Variants in GFRAL observed in about 807,000 individuals in gnomAD.
GFRAL encodes GDNF family receptor alpha like.
Under a neutral mutation model 45.4 loss-of-function variants are expected in GFRAL, and 36 were observed. The observed-to-expected ratio is 0.79, with a 90% CI of 0.61 to 1.05. The LOEUF is 1.05. Ranked by LOEUF, GFRAL falls within the 50% of genes least tolerant of loss-of-function variation. The pLI is 0.00. For synonymous variants in GFRAL, 166 were observed against 154.1 expected (o/e 1.08, Z -0.57); for missense variants, 507 against 467.5 (o/e 1.08, Z -0.78).
intron 8 of GFRAL, 126 bp from the exon 9 acceptor site, chr6:55,401,664 A>G (rs1768897542): frequency 3.0e-6 from 2 of 677,022 alleles, no homozygotes; most frequent in Admixed American, 5.0e-5. Flanking sequence ...TTGGGACTTT[A>G]CATTCTGGAA....
At chr6:55,386,746 C>A (rs904298870) in intron 6 of GFRAL, among the ~76,000 whole-genome samples, 5 of 152,142 alleles carry the variant, frequency 3.3e-5, no homozygotes, top group African/African-American at 9.7e-5. Flanking sequence ...CCTAAAGATG[C>A]AGCCCATTCC....
intron 6 of GFRAL, among the ~76,000 whole-genome samples, chr6:55,363,645 A>G: frequency 7.6e-6 from 1 of 132,192 alleles, no homozygotes. Flanking sequence ...TGTCCATGTG[A>G]TCTCACTGTT....
intron 3 of GFRAL, among the ~76,000 whole-genome samples, chr6:55,349,556 G>A (rs1253926806): frequency 6.6e-6 from 1 of 151,914 alleles, no homozygotes; most frequent in Non-Finnish European, 1.5e-5. Context: ...TTCCTTTAAA[G>A]ATTTTGGAAT....
intron 6 of GFRAL, among the ~76,000 whole-genome samples, chr6:55,395,776 T>C (rs1293368297): frequency 8.2e-5 from 10 of 121,830 alleles, no homozygotes; most frequent in Admixed American, 1.9e-4. Flanking sequence ...TGCACAAGGA[T>C]TTTGGAAAAA....
chr6:55,382,912 C>T (rs7755168), intron 6 of GFRAL, among the ~76,000 whole-genome samples: 152,061 of 152,076 alleles, frequency 1, 76,023 homozygotes, highest in Middle Eastern at 1. Flanking sequence ...CTTTTTATCA[C>T]AGATTTTGAG....
chr6:55,358,147 C>T (rs535779457), intron 5 of GFRAL, among the ~76,000 whole-genome samples: 111 of 151,910 alleles, frequency 7.3e-4, no homozygotes, highest in Middle Eastern at 6.8e-3. Flanking sequence ...TCCATGTGGA[C>T]AAATAACTTC....
At chr6:55,339,254 G>A (rs1040518773) in intron 3 of GFRAL, among the ~76,000 whole-genome samples, 1 of 152,122 alleles carries the variant, frequency 6.6e-6, no homozygotes. Flanking sequence ...CAGGACTGGG[G>A]ACGAAAGTGA....
chr6:55,399,363 T>C lies in GFRAL; in HGVS notation c.1049-6T>C. 1 of 1,603,716 alleles carries C rather than the reference T, an allele frequency of 6.2e-7. No individual in the cohort carries two copies. Among genetic ancestry groups the C allele is most frequent in the Non-Finnish European group, 8.5e-7 (1 of 1,172,050 alleles). On this transcript the variant is annotated splice_region_variant and splice_polypyrimidine_tract_variant and intron_variant, in intron 7 of 8. Coordinates refer to ENST00000340465, the MANE Select transcript of GFRAL (RefSeq NM_207410.2). Reference sequence around the variant, plus strand: ...CTATTATTTCTTAATCTTTTTCTTTTTCTAGGAGAAGTAATCTATGCTGCC... The same window carrying C: ...CTATTATTTCTTAATCTTTTTCTTTCTCTAGGAGAAGTAATCTATGCTGCC...
chr6:55,394,380 C>A (rs1156387383), intron 6 of GFRAL, among the ~76,000 whole-genome samples: 1 of 151,982 alleles, frequency 6.6e-6, no homozygotes, highest in Non-Finnish European at 1.5e-5. Flanking sequence ...AGGGAAGGGC[C>A]AGGACTGAAC....
chr6:55,327,681 T>C, intron 1 of GFRAL, 105 bp downstream of exon 1: 1 of 1,022,546 alleles, frequency 9.8e-7, no homozygotes, highest in Non-Finnish European at 1.5e-6. Context: ...TAATATGAAG[T>C]ACCAAGTAAA....
At chr6:55,349,730 G>T (rs527928652) in intron 3 of GFRAL, among the ~76,000 whole-genome samples, 12 of 151,632 alleles carry the variant, frequency 7.9e-5, no homozygotes, top group African/African-American at 2.9e-4. Context: ...TGCTGGGCAG[G>T]GTGGGAGGTA....
chr6:55,376,786 T>C (rs899728372), intron 6 of GFRAL, among the ~76,000 whole-genome samples: 2 of 152,012 alleles, frequency 1.3e-5, no homozygotes, highest in African/African-American at 2.4e-5. Context: ...AAAAAATGGC[T>C]ACTGGATTTA....
In GFRAL at chr6:55,351,547, G is replaced by A. The variant is rs962296758; in HGVS notation, c.665G>A (p.Ser222Asn). The A allele has an allele frequency of 8.1e-6, 13 of 1,602,176 alleles. No individual in the cohort carries two copies. Among genetic ancestry groups the A allele is most frequent in the Non-Finnish European group, 1.1e-5 (13 of 1,170,514 alleles). ...VNMVPPPTCL[S>N]VIRSCQNDEL... The stretch of plus-strand genomic sequence containing the variant: ...ATGGTTCCACCCCCTACTTGCCTCA[G>A]TGTAATTCGCAGCTGCCAAAATGAT... Residue 222 changes from serine to asparagine, a missense_variant, in exon 5 of 9, where the codon AGT becomes AAT. Coordinates refer to ENST00000340465, the MANE Select transcript of GFRAL (RefSeq NM_207410.2).
At chr6:55,372,434 C>T (rs1262811941) in intron 6 of GFRAL, among the ~76,000 whole-genome samples, 1 of 152,212 alleles carries the variant, frequency 6.6e-6, no homozygotes, top group Admixed American at 6.5e-5. Flanking sequence ...CAAATAAGCT[C>T]CAGAAGCTCA....
intron 5 of GFRAL, among the ~76,000 whole-genome samples, chr6:55,357,795 G>A (rs776780471): frequency 6.6e-6 from 1 of 151,488 alleles, no homozygotes; most frequent in Non-Finnish European, 1.5e-5. Context: ...ATCTACTTAT[G>A]TATAAGTAGA....
intron 6 of GFRAL, among the ~76,000 whole-genome samples, chr6:55,362,631 A>G (rs1768291877): frequency 6.6e-6 from 1 of 152,074 alleles, no homozygotes; most frequent in Admixed American, 6.6e-5. Flanking sequence ...ACAGAGGACC[A>G]TCAACACGGG....
chr6:55,368,952 A>T (rs1301468327), intron 6 of GFRAL, among the ~76,000 whole-genome samples: 4 of 151,952 alleles, frequency 2.6e-5, no homozygotes, highest in Non-Finnish European at 4.4e-5. Flanking sequence ...GGCCTCCTTG[A>T]GCTGTGGTGG....
intron 6 of GFRAL, among the ~76,000 whole-genome samples, chr6:55,395,175 A>AAATATATATATATATATAT: frequency 3.2e-5 from 4 of 123,484 alleles, no homozygotes; most frequent in South Asian, 2.5e-4. Context: ...AAAAAAAAAA[A>AAATATATATATATATATAT]ATATATATAT....
chr6:55,361,570 G>A (rs1240798204), intron 6 of GFRAL, among the ~76,000 whole-genome samples: 1 of 151,590 alleles, frequency 6.6e-6, no homozygotes, highest in African/African-American at 2.4e-5. Context: ...TGGTTGAGTC[G>A]AGGGGTGCAG....
Sources: gnomAD v4.1 joint callset for allele counts (sites outside exome capture counted in the v4.1 genomes callset) on GRCh38, gnomAD v4.1.1 for gene constraint, MANE v1.5 for transcripts, NCBI Gene and HGNC (gene_info 2026-07-23, HGNC 2026-07-21) for gene names.